Variants in WWC1 observed in about 807,000 individuals in gnomAD.
The protein encoded by WWC1 is protein KIBRA.
Under a neutral mutation model 138.4 loss-of-function variants are expected in WWC1, and 55 were observed. That is an observed-to-expected ratio of 0.40 (90% CI 0.32 to 0.50). The LOEUF is 0.50. Among genes scored for constraint, WWC1 ranks in the 20% least tolerant of loss-of-function variants. The pLI is 0.72. For synonymous variants in WWC1, 524 were observed against 564.9 expected, an observed-to-expected ratio of 0.93 and a Z score of 1.03; for missense variants, 1,226 against 1,420.4, an observed-to-expected ratio of 0.86 and a Z score of 2.20.
chr5:168,355,505 A>AC (rs1775329583), intron 1 of WWC1, among the ~76,000 whole-genome samples: 1 of 151,594 alleles, frequency 6.6e-6, no homozygotes, highest in Non-Finnish European at 1.5e-5. Flanking sequence ...AAAAAAAAAA[A>AC]AAAAAAAAAA....
chr5:168,377,108 G>A (rs1056306701), intron 2 of WWC1, among the ~76,000 whole-genome samples: 1 of 152,120 alleles, frequency 6.6e-6, no homozygotes, highest in African/African-American at 2.4e-5. Flanking sequence ...ACAGAATAGA[G>A]AATTTAGAAT....
chr5:168,397,634 C>G (rs1169476615), intron 3 of WWC1, 90 bp from the exon 4 acceptor site: 1 of 1,371,636 alleles, frequency 7.3e-7, no homozygotes, highest in Admixed American at 1.8e-5. Context: ...TAGTCCTTCC[C>G]TTTCTAGGTT....
chr5:168,370,450 T>G (rs1776667109), intron 1 of WWC1, among the ~76,000 whole-genome samples: 1 of 152,214 alleles, frequency 6.6e-6, no homozygotes, highest in Non-Finnish European at 1.5e-5. Context: ...TACTTCACTT[T>G]GCCAGTCTAT....
At chr5:168,450,953 C>T (rs368401463) in intron 17 of WWC1, among the ~76,000 whole-genome samples, 18 of 152,162 alleles carry the variant, frequency 1.2e-4, no homozygotes, top group African/African-American at 4.1e-4. Context: ...GGATTCATAG[C>T]GCAAATATAC....
chr5:168,459,978 G>T (rs993880812), intron 19 of WWC1, among the ~76,000 whole-genome samples: 2 of 152,124 alleles, frequency 1.3e-5, no homozygotes, highest in African/African-American at 4.8e-5. Context: ...CCTGACTACA[G>T]GCCTGATTTC....
At position 168,417,240 on chromosome 5, in the gene WWC1, A is replaced by C. The variant is rs147118652; in HGVS notation, c.1184+2650A>C. 1.5e-3 allele frequency among the ~76,000 whole-genome samples: 222 copies of C among 152,340 alleles called. 4 individuals are homozygous for C. The East Asian group carries it at 0.033, about 23-fold the overall frequency. On this transcript the variant is annotated intron_variant, in intron 9 of 22. Coordinates refer to ENST00000265293, the MANE Select transcript of WWC1 (RefSeq NM_015238.3). Reference sequence around the variant, plus strand: ...TTTGCTTAAAGTTACAGTTAGCAAGAACCTATCTACAATGTTGAGGATTTA... The same window carrying C: ...TTTGCTTAAAGTTACAGTTAGCAAGCACCTATCTACAATGTTGAGGATTTA...
In WWC1 at chr5:168,431,354, C is replaced by T; in HGVS notation, c.2190C>T (p.Phe730=). The change falls in exon 15 of 23, where the codon TTC becomes TTT. Residue 730 remains phenylalanine, a synonymous_variant. Transcript: ENST00000265293. Reference sequence around the variant, plus strand: ...ACACTCTAGTGTTCAATGAGGTGTTCTGGGTATCCATGTCCTATCCAGCCC... The same window carrying T: ...ACACTCTAGTGTTCAATGAGGTGTTTTGGGTATCCATGTCCTATCCAGCCC... ...ASDTLVFNEV[F]WVSMSYPALH... is the part of the protein sequence containing the mutation. 2 of 1,614,152 alleles carry T rather than the reference C, an allele frequency of 1.2e-6. No individual in the cohort carries two copies. Among genetic ancestry groups the T allele is most frequent in the South Asian group, 2.2e-5 (2 of 91,080 alleles).
rs1043231701 is a variant in WWC1, at chr5:168,327,361, C to A, written c.119+35090C>A. On this transcript the variant is annotated intron_variant, in intron 1 of 22. Transcript: ENST00000265293. ...CATGTATGTCTCATGCTGACTCGCTCGGATAGTGTGCTCTAGGGCCCAGGA... is the reference window on the plus strand; with the variant it reads ...CATGTATGTCTCATGCTGACTCGCTAGGATAGTGTGCTCTAGGGCCCAGGA... Among the ~76,000 whole-genome samples the A allele has an allele frequency of 4.6e-5, 7 of 152,124 alleles. No individual in the cohort carries two copies. The East Asian group carries it at 9.6e-4, about 21-fold the overall frequency.
At chr5:168,304,828 CTTT>C (rs71310061) in intron 1 of WWC1, among the ~76,000 whole-genome samples, 3 of 141,586 alleles carry the variant, frequency 2.1e-5, no homozygotes, top group African/African-American at 2.6e-5. Flanking sequence ...AGCTTATGAA[CTTT>C]TTTTTTTTTT....
At chr5:168,345,324 C>G (rs1469409184) in intron 1 of WWC1, among the ~76,000 whole-genome samples, 1 of 152,140 alleles carries the variant, frequency 6.6e-6, no homozygotes, top group Non-Finnish European at 1.5e-5. Flanking sequence ...AGGCTGGTTT[C>G]GAACTCTCGA....
chr5:168,468,013 C>CG, intron 22 of WWC1, 49 bp downstream of exon 22: 1 of 1,609,112 alleles, frequency 6.2e-7, no homozygotes, highest in Non-Finnish European at 8.5e-7. Context: ...AGCCAACCCA[C>CG]GGCCTTAGTC....
chr5:168,440,704 A>G (rs935937148), intron 15 of WWC1, among the ~76,000 whole-genome samples: 12 of 152,116 alleles, frequency 7.9e-5, no homozygotes, highest in African/African-American at 2.9e-4. Flanking sequence ...TTTAGTAGAA[A>G]TGGGGTTTCT....
intron 1 of WWC1, among the ~76,000 whole-genome samples, chr5:168,319,024 C>T (rs1771842525): frequency 6.6e-6 from 1 of 152,204 alleles, no homozygotes; most frequent in Admixed American, 6.5e-5. Flanking sequence ...TACATACACA[C>T]ATATACACGA....
chr5:168,295,153 C>T (rs536794483), intron 1 of WWC1, among the ~76,000 whole-genome samples: 8 of 152,274 alleles, frequency 5.3e-5, no homozygotes, highest in African/African-American at 1.9e-4. Context: ...CCTTTTAGTT[C>T]TGTCTGTGTG....
intron 16 of WWC1, among the ~76,000 whole-genome samples, chr5:168,442,724 C>A (rs578108427): frequency 6.6e-6 from 1 of 151,370 alleles, no homozygotes; most frequent in Non-Finnish European, 1.5e-5. Flanking sequence ...GTAATCCTAG[C>A]TACTAGGGAG....
chr5:168,325,176 G>A (rs1772429485), intron 1 of WWC1, among the ~76,000 whole-genome samples: 1 of 152,226 alleles, frequency 6.6e-6, no homozygotes, highest in African/African-American at 2.4e-5. Flanking sequence ...CTTGTCCTCT[G>A]AGATGGCAGG....
chr5:168,373,008 G>C (rs978196224), intron 2 of WWC1, among the ~76,000 whole-genome samples: 5 of 152,226 alleles, frequency 3.3e-5, no homozygotes, highest in African/African-American at 1.2e-4. Context: ...CTGAGAGACA[G>C]CTAATGGCAT....
chr5:168,413,007 A>G (rs1780343883), intron 8 of WWC1, among the ~76,000 whole-genome samples: 1 of 152,194 alleles, frequency 6.6e-6, no homozygotes. Flanking sequence ...AAGCAAATCT[A>G]GGTATGTTTT....
chr5:168,391,594 G>C (rs1358980500), intron 3 of WWC1, among the ~76,000 whole-genome samples: 1 of 146,840 alleles, frequency 6.8e-6, no homozygotes, highest in African/African-American at 2.5e-5. Context: ...AGGAGGTGGA[G>C]CTTTCAGCGA....
Sources: gnomAD v4.1 joint callset for allele counts (sites outside exome capture counted in the v4.1 genomes callset) on GRCh38, gnomAD v4.1.1 for gene constraint, MANE v1.5 for transcripts, NCBI Gene and HGNC (gene_info 2026-07-23, HGNC 2026-07-21) for gene names.